Variants in PTPRD observed in about 807,000 individuals in gnomAD.
PTPRD encodes the protein protein tyrosine phosphatase receptor type D.
PTPRD carries 34 observed loss-of-function variants against 214.5 expected under a neutral mutation model. The observed-to-expected ratio is 0.16, with a 90% CI of 0.12 to 0.21. The LOEUF is 0.21. Ranked by LOEUF, PTPRD falls within the 10% of genes least tolerant of loss-of-function variation. PTPRD has a pLI of 1.00. For synonymous variants in PTPRD, 1,128 were observed against 845.7 expected (o/e 1.33, Z -5.79); for missense variants, 2,545 against 2,398.7 (o/e 1.06, Z -1.27).
chr9:9,011,550 A>T (rs1171005054), intron 11 of PTPRD, among the ~76,000 whole-genome samples: 1 of 152,166 alleles, frequency 6.6e-6, no homozygotes, highest in Non-Finnish European at 1.5e-5. Context: ...GCAAAGAAAG[A>T]GGGTCACATG....
chr9:8,414,857 G>A (rs780787948), intron 35 of PTPRD, among the ~76,000 whole-genome samples: 65 of 144,694 alleles, frequency 4.5e-4, no homozygotes, highest in Admixed American at 4.1e-3. Flanking sequence ...GAGGGAAGGC[G>A]TGCAGGGGAG....
At chr9:9,298,229 G>C (rs966872873) in intron 9 of PTPRD, among the ~76,000 whole-genome samples, 1 of 151,650 alleles carries the variant, frequency 6.6e-6, no homozygotes, top group Non-Finnish European at 1.5e-5. Context: ...AATTGAAAGA[G>C]AAACAAATGC....
At chr9:8,454,533 ATT>A in intron 33 of PTPRD, 1 of 1,606,242 alleles carries the variant, frequency 6.2e-7, no homozygotes, top group South Asian at 1.1e-5. Context: ...CTACCAGTTT[ATT>A]TTTTTCTTAC....
intron 7 of PTPRD, among the ~76,000 whole-genome samples, chr9:9,687,720 A>G (rs1206251169): frequency 1.3e-5 from 2 of 151,858 alleles, no homozygotes; most frequent in African/African-American, 4.8e-5. Flanking sequence ...TCAAGATTCT[A>G]TTTTCATTTT....
At chr9:9,348,161 G>A (rs1017849035) in intron 9 of PTPRD, among the ~76,000 whole-genome samples, 5 of 152,088 alleles carry the variant, frequency 3.3e-5, no homozygotes, top group African/African-American at 1.2e-4. Flanking sequence ...ATTTGATTTG[G>A]TATCTTTAGA....
chr9:10,552,525 T>C (rs1284213978), intron 2 of PTPRD, among the ~76,000 whole-genome samples: 3 of 152,302 alleles, frequency 2.0e-5, no homozygotes, highest in Admixed American at 6.5e-5. Flanking sequence ...TGTTAAGTTT[T>C]TCAGTTTTTC....
chr9:9,154,014 G>A (rs543731542), intron 10 of PTPRD, among the ~76,000 whole-genome samples: 75 of 152,198 alleles, frequency 4.9e-4, no homozygotes, highest in African/African-American at 1.4e-3. Flanking sequence ...CACGTATTTT[G>A]GCCAGTGGAA....
chr9:9,038,666 T>A (rs548219262), intron 10 of PTPRD, among the ~76,000 whole-genome samples: 1 of 151,128 alleles, frequency 6.6e-6, no homozygotes, highest in South Asian at 2.1e-4. Context: ...GTGCTTCTCC[T>A]GACTCAACCT....
rs1345914249 is a variant in PTPRD at position 8,314,640 on chromosome 9, A to G, written c.*3234T>C. ...CCAAAAGGAACCAAAACCCAAAAAG[A>G]AAAACAAAAAGGGAATTAAAAATAA... On this transcript the variant is annotated 3_prime_UTR_variant, in exon 46 of 46. Transcript: ENST00000381196. 1.3e-5 allele frequency: 3 copies of G among 232,060 alleles called. No individual in the cohort carries two copies. The East Asian group carries it at 1.8e-4, about 14-fold the overall frequency. 14.4% of individuals were successfully genotyped at this position (232,060 alleles called of 1,614,324 possible).
At chr9:10,577,763 C>T (rs1354712179) in intron 2 of PTPRD, among the ~76,000 whole-genome samples, 1 of 152,020 alleles carries the variant, frequency 6.6e-6, no homozygotes, top group South Asian at 2.1e-4. Context: ...TTAAAACAAG[C>T]AAACTTACAC....
chr9:9,084,438 G>A (rs2099763991), intron 10 of PTPRD, among the ~76,000 whole-genome samples: 1 of 152,136 alleles, frequency 6.6e-6, no homozygotes, highest in African/African-American at 2.4e-5. Context: ...AGTATTAGCG[G>A]AAATAACTAT....
At chr9:9,298,206 G>C (rs148665258) in intron 9 of PTPRD, among the ~76,000 whole-genome samples, 14 of 151,624 alleles carry the variant, frequency 9.2e-5, no homozygotes, top group African/African-American at 2.4e-4. Flanking sequence ...TAACCTAAAG[G>C]TTTCAGAAAT....
intron 2 of PTPRD, among the ~76,000 whole-genome samples, chr9:10,467,019 T>A (rs368830343): frequency 8.5e-5 from 13 of 152,312 alleles, no homozygotes; most frequent in African/African-American, 2.4e-4. Context: ...GGGAACCACA[T>A]AGATGATGGC....
At chr9:10,067,130 G>T (rs1360877204) in intron 3 of PTPRD, among the ~76,000 whole-genome samples, 1 of 151,886 alleles carries the variant, frequency 6.6e-6, no homozygotes. Context: ...AATTGGGATT[G>T]CAGTGCTTGG....
intron 44 of PTPRD, among the ~76,000 whole-genome samples, chr9:8,321,777 A>G (rs1828553927): frequency 6.6e-6 from 1 of 151,896 alleles, no homozygotes; most frequent in African/African-American, 2.4e-5. Context: ...ATTCAATCCC[A>G]ATATATACCA....
At chr9:9,540,112 C>A (rs1355865376) in intron 8 of PTPRD, among the ~76,000 whole-genome samples, 1 of 151,674 alleles carries the variant, frequency 6.6e-6, no homozygotes, top group Non-Finnish European at 1.5e-5. Flanking sequence ...GCCTTCTTAC[C>A]TACTACTGCA....
chr9:10,429,379 G>A (rs1175315706), intron 2 of PTPRD, among the ~76,000 whole-genome samples: 1 of 151,864 alleles, frequency 6.6e-6, no homozygotes, highest in Non-Finnish European at 1.5e-5. Flanking sequence ...AAGAAACCCT[G>A]CAGTTTCATG....
intron 9 of PTPRD, among the ~76,000 whole-genome samples, chr9:9,226,858 T>C (rs1368670566): frequency 6.6e-6 from 1 of 152,070 alleles, no homozygotes. Context: ...TATTTCACAA[T>C]CATATGAAGA....
chr9:9,915,999 C>T (rs967244402), intron 5 of PTPRD, among the ~76,000 whole-genome samples: 6 of 151,538 alleles, frequency 4.0e-5, no homozygotes, highest in African/African-American at 2.4e-5. Context: ...AAGGGAATTT[C>T]CACTAGATTA....
Sources: allele counts gnomAD v4.1 joint callset (sites outside exome capture counted in the v4.1 genomes callset), GRCh38; gene constraint gnomAD v4.1.1; transcripts MANE v1.5; gene names NCBI Gene and HGNC (gene_info 2026-07-23, HGNC 2026-07-21).